RABGEF1: variants seen among roughly 807,000 people sequenced by gnomAD.
The protein encoded by RABGEF1 is RAB guanine nucleotide exchange factor 1.
RABGEF1 carries 26 observed loss-of-function variants against 57.3 expected under a neutral mutation model. The observed-to-expected ratio is 0.45, with a 90% CI of 0.33 to 0.63. The LOEUF is 0.63. RABGEF1 is among the 20% of genes least tolerant of loss of function. The probability of loss-of-function intolerance (pLI) is 0.02; values close to 1 mark genes in which losing one functional copy is unlikely to be tolerated. For missense variants in RABGEF1, 464 were observed against 607.6 expected, an observed-to-expected ratio of 0.76 and a Z score of 2.48; for synonymous variants, 185 against 210.7, an observed-to-expected ratio of 0.88 and a Z score of 1.06.
chr7:66,802,663 G>A (rs1409653285), intron 7 of RABGEF1, among the ~76,000 whole-genome samples: 2 of 152,198 alleles, frequency 1.3e-5, no homozygotes, highest in Non-Finnish European at 2.9e-5. Context: ...AGAGTTCCAC[G>A]AAGAATTCCT....
intron 1 of RABGEF1, among the ~76,000 whole-genome samples, chr7:66,756,587 G>A (rs980836402): frequency 1.3e-5 from 2 of 151,638 alleles, no homozygotes; most frequent in African/African-American, 2.4e-5. Context: ...TCCCTTATTT[G>A]CTTTTATATT....
chr7:66,782,058 A>T (rs1810043442), intron 3 of RABGEF1, among the ~76,000 whole-genome samples: 1 of 152,244 alleles, frequency 6.6e-6, no homozygotes, highest in African/African-American at 2.4e-5. Flanking sequence ...TCATGACTAG[A>T]AGCAGAATTA....
chr7:66,692,723 G>A (rs992121606), intron 1 of RABGEF1, among the ~76,000 whole-genome samples: 1 of 131,568 alleles, frequency 7.6e-6, no homozygotes, highest in African/African-American at 2.9e-5. Flanking sequence ...CCTCTCTGCA[G>A]CCAAGCACTG....
At chr7:66,678,666 ATTTAT>A (rs530808830), upstream of RABGEF1, among the ~76,000 whole-genome samples, 161 of 151,900 alleles carry the variant, frequency 1.1e-3, no homozygotes, top group African/African-American at 3.6e-3. Context: ...CAGACATTTT[ATTTAT>A]TTTATTTTTA....
the RABGEF1 span, among the ~76,000 whole-genome samples, chr7:66,664,350 C>T: frequency 1.2e-4 from 18 of 151,920 alleles, no homozygotes; most frequent in East Asian, 3.9e-4. Flanking sequence ...GAGGCCGAGG[C>T]GGGCAGATTA....
intron 1 of RABGEF1, chr7:66,749,023 G>A (rs2707853): frequency 0.5 from 81,324 of 161,232 alleles, 21,620 homozygotes; most frequent in East Asian, 0.74. Flanking sequence ...CAGGCTCACC[G>A]TGACTTCCTC....
chr7:66,695,228 C>T (rs1020139191), intron 1 of RABGEF1, among the ~76,000 whole-genome samples: 13 of 151,896 alleles, frequency 8.6e-5, no homozygotes, highest in African/African-American at 3.1e-4. Flanking sequence ...AGGTCAATCA[C>T]TTGAACCTGG....
rs781317612 is a variant in RABGEF1 at position 66,810,994 on chromosome 7, A to T, written c.*1710A>T. On this transcript the variant is annotated 3_prime_UTR_variant, in exon 9 of 9. Coordinates refer to ENST00000284957, the MANE Select transcript of RABGEF1 (RefSeq NM_014504.3). ...ACAGAAGGTGATAAGTTACTATCAA[A>T]TGCCAGTGAGAATCTTCTTATAGAA... The T allele has an allele frequency of 6.6e-6, 1 of 152,244 alleles. No individual in the cohort carries two copies. The highest frequency in any genetic ancestry group is 1.5e-5 in the Non-Finnish European group (1 of 68,044). 9.4% of individuals were successfully genotyped at this position (152,244 alleles called of 1,614,324 possible).
chr7:66,741,028 C>G (rs1798806283), intron 1 of RABGEF1, among the ~76,000 whole-genome samples: 1 of 152,202 alleles, frequency 6.6e-6, no homozygotes, highest in South Asian at 2.1e-4. Context: ...TGCGGCCTCT[C>G]CGTCCCAGAC....
the RABGEF1 span, among the ~76,000 whole-genome samples, chr7:66,662,555 T>C: frequency 1.3e-5 from 2 of 152,158 alleles, no homozygotes; most frequent in Admixed American, 6.5e-5. Context: ...TGCTGGAAGG[T>C]AGAGACAGGC....
At chr7:66,686,636 A>G (rs1399197365) in intron 1 of RABGEF1, among the ~76,000 whole-genome samples, 5 of 152,190 alleles carry the variant, frequency 3.3e-5, no homozygotes, top group African/African-American at 1.2e-4. Flanking sequence ...AACAACAGCT[A>G]TCCTATTTAA....
intron 7 of RABGEF1, 40 bp downstream of exon 7, chr7:66,799,454 C>T (rs1464516324): frequency 3.4e-6 from 5 of 1,478,928 alleles, no homozygotes; most frequent in Middle Eastern, 1.8e-4. Context: ...GATGTTTTCC[C>T]CTTAAAGTTA....
At chr7:66,717,896 G>T (rs764135134) in intron 2 of RABGEF1, among the ~76,000 whole-genome samples, 2 of 151,888 alleles carry the variant, frequency 1.3e-5, no homozygotes, top group African/African-American at 4.8e-5. Flanking sequence ...CTCTTTCTTC[G>T]GTCATGCACA....
chr7:66,669,390 G>C, the RABGEF1 span: 1 of 152,264 alleles, frequency 6.6e-6, no homozygotes, highest in African/African-American at 2.4e-5. Context: ...GGGTAACTCA[G>C]CGCCCCCTCC....
At chr7:66,777,647 G>GT (rs1808863604) in intron 3 of RABGEF1, among the ~76,000 whole-genome samples, 10 of 152,154 alleles carry the variant, frequency 6.6e-5, no homozygotes, top group Admixed American at 5.9e-4. Context: ...TCTGGAGCTG[G>GT]GTGCAGTGGC....
chr7:66,720,156 T>A (rs1204059812), intron 2 of RABGEF1, among the ~76,000 whole-genome samples: 1 of 150,048 alleles, frequency 6.7e-6, no homozygotes. Context: ...TTTGACAACA[T>A]TCAACATCCA....
the RABGEF1 span, among the ~76,000 whole-genome samples, chr7:66,670,106 A>G: frequency 6.6e-6 from 1 of 151,850 alleles, no homozygotes; most frequent in Admixed American, 6.6e-5. Context: ...TTCCTATTGC[A>G]TTTGCACCAA....
chr7:66,749,601 T>C (rs1483250189), intron 1 of RABGEF1, among the ~76,000 whole-genome samples: 1 of 152,132 alleles, frequency 6.6e-6, no homozygotes, highest in African/African-American at 2.4e-5. Context: ...TATTAGAGGC[T>C]GCAGTGCACT....
intron 2 of RABGEF1, among the ~76,000 whole-genome samples, chr7:66,714,724 A>G (rs1584883286): frequency 6.6e-6 from 1 of 152,258 alleles, no homozygotes; most frequent in African/African-American, 2.4e-5. Context: ...TCATGAGGTC[A>G]GGAGATCATG....
Sources: gnomAD v4.1 joint callset for allele counts (sites outside exome capture counted in the v4.1 genomes callset) on GRCh38, gnomAD v4.1.1 for gene constraint, MANE v1.5 for transcripts, NCBI Gene and HGNC (gene_info 2026-07-23, HGNC 2026-07-21) for gene names.